SHC3: variants seen among roughly 807,000 people sequenced by gnomAD.
The protein encoded by SHC3 is SHC adaptor protein 3.
SHC3 carries 15 observed loss-of-function variants against 60.4 expected under a neutral mutation model. The observed-to-expected ratio is 0.25, with a 90% CI of 0.17 to 0.38. The LOEUF is 0.38. Among genes scored for constraint, SHC3 ranks in the 10% least tolerant of loss-of-function variants. The probability of loss-of-function intolerance (pLI) is 1.00; values close to 1 mark genes in which losing one functional copy is unlikely to be tolerated. For synonymous variants in SHC3, 294 were observed against 325.9 expected (o/e 0.90, Z 1.05); for missense variants, 677 against 786.1 (o/e 0.86, Z 1.66).
At chr9:89,168,529 G>A (rs1050196786) in intron 1 of SHC3, among the ~76,000 whole-genome samples, 15 of 152,084 alleles carry the variant, frequency 9.9e-5, no homozygotes, top group African/African-American at 3.6e-4. Context: ...ACTCTTTCAG[G>A]CAAGTTTATT....
At chr9:89,126,822 A>T (rs980923763) in intron 1 of SHC3, among the ~76,000 whole-genome samples, 1 of 152,140 alleles carries the variant, frequency 6.6e-6, no homozygotes, top group South Asian at 2.1e-4. Context: ...AGTTTGTGCT[A>T]TGAAAGAGGG....
chr9:89,049,922 A>C (rs563366781), intron 7 of SHC3, among the ~76,000 whole-genome samples: 1 of 152,136 alleles, frequency 6.6e-6, no homozygotes, highest in East Asian at 1.9e-4. Flanking sequence ...GGAGTCACCG[A>C]GTCTACTCTG....
intron 1 of SHC3, among the ~76,000 whole-genome samples, chr9:89,175,476 T>C (rs991548022): frequency 6.6e-6 from 1 of 152,266 alleles, no homozygotes; most frequent in African/African-American, 2.4e-5. Flanking sequence ...TTCACCAGAC[T>C]TCTGTATTTT....
chr9:89,077,095 T>C (rs1260138427), intron 3 of SHC3, among the ~76,000 whole-genome samples: 1 of 151,554 alleles, frequency 6.6e-6, no homozygotes, highest in Non-Finnish European at 1.5e-5. Flanking sequence ...GAGAATCGCT[T>C]GAACCCAGGA....
intron 1 of SHC3, among the ~76,000 whole-genome samples, chr9:89,144,399 G>A (rs759036996): frequency 6.6e-6 from 1 of 152,176 alleles, no homozygotes; most frequent in South Asian, 2.1e-4. Flanking sequence ...CTTGTTAAAC[G>A]CAAGCTGCTA....
intron 9 of SHC3, among the ~76,000 whole-genome samples, chr9:89,044,878 T>C (rs932185324): frequency 6.6e-6 from 1 of 152,194 alleles, no homozygotes; most frequent in South Asian, 2.1e-4. Flanking sequence ...GATGCAGAAG[T>C]GTTCTCTGAG....
At chr9:89,075,281 G>A (rs1328272285) in intron 3 of SHC3, 53 bp from the exon 4 acceptor site, 1 of 1,598,398 alleles carries the variant, frequency 6.3e-7, no homozygotes, top group Non-Finnish European at 8.5e-7. Context: ...CTCAAAGGGT[G>A]GGGATGTGGA....
At chr9:89,060,684 G>C (rs533479182) in intron 6 of SHC3, among the ~76,000 whole-genome samples, 1 of 152,036 alleles carries the variant, frequency 6.6e-6, no homozygotes, top group African/African-American at 2.4e-5. Flanking sequence ...ATTTTATTTG[G>C]AGTGAGCAGA....
chr9:89,074,053 C>G (rs913204306), intron 4 of SHC3, among the ~76,000 whole-genome samples: 1 of 152,186 alleles, frequency 6.6e-6, no homozygotes, highest in Non-Finnish European at 1.5e-5. Context: ...GAAGTGGTAT[C>G]TAGTTATGTT....
chr9:89,034,770 A>G (rs556447680), intron 11 of SHC3, among the ~76,000 whole-genome samples: 14 of 152,344 alleles, frequency 9.2e-5, no homozygotes. Context: ...CTATCAAAAG[A>G]CACCTTAAAA....
chr9:89,142,624 T>C (rs1030194617), intron 1 of SHC3, among the ~76,000 whole-genome samples: 4 of 143,054 alleles, frequency 2.8e-5, no homozygotes, highest in Admixed American at 1.5e-4. Context: ...GAGGTTGCAG[T>C]GAGATCGCAC....
intron 5 of SHC3, among the ~76,000 whole-genome samples, chr9:89,068,847 A>C (rs1485389010): frequency 6.6e-6 from 1 of 152,212 alleles, no homozygotes; most frequent in Non-Finnish European, 1.5e-5. Context: ...TCTTGAAGGA[A>C]GCTGTTAATG....
Position 89,005,973 on chromosome 9 carries a change from A to G in SHC3, c.*7474T>C, listed in dbSNP as rs1425209970. On this transcript the variant is annotated 3_prime_UTR_variant, in exon 12 of 12. Coordinates refer to ENST00000375835, the MANE Select transcript of SHC3 (RefSeq NM_016848.6). ...AGTTTCATGCTTTTAAGTTGTATCT[A>G]CAAGTGCAAAACTGCAACACCCAAA... The G allele has an allele frequency of 6.6e-6, 1 of 152,244 alleles. No individual in the cohort carries two copies. Among genetic ancestry groups the G allele is most frequent in the Non-Finnish European group, 1.5e-5 (1 of 68,046 alleles). 9.4% of individuals were successfully genotyped at this position (152,244 alleles called of 1,614,324 possible).
At chr9:89,161,743 G>A (rs2118243216) in intron 1 of SHC3, among the ~76,000 whole-genome samples, 1 of 150,752 alleles carries the variant, frequency 6.6e-6, no homozygotes, top group Non-Finnish European at 1.5e-5. Flanking sequence ...TCAGGCCAGG[G>A]CAATTAGGCA....
intron 7 of SHC3, among the ~76,000 whole-genome samples, chr9:89,047,882 C>T (rs1020038246): frequency 6.6e-6 from 1 of 152,136 alleles, no homozygotes; most frequent in Non-Finnish European, 1.5e-5. Flanking sequence ...CAGGTATATA[C>T]ATAAGAATAT....
chr9:89,019,456 T>G (rs527995729), intron 11 of SHC3, among the ~76,000 whole-genome samples: 21 of 152,158 alleles, frequency 1.4e-4, no homozygotes, highest in African/African-American at 4.6e-4. Context: ...GATTGGGAAG[T>G]AAAAAATGAA....
intron 1 of SHC3, among the ~76,000 whole-genome samples, chr9:89,129,824 C>T (rs898317752): frequency 6.6e-6 from 1 of 152,142 alleles, no homozygotes; most frequent in Non-Finnish European, 1.5e-5. Context: ...TAAAGACCAT[C>T]AATGATAGGA....
chr9:89,022,027 T>C (rs1011768236), intron 11 of SHC3, among the ~76,000 whole-genome samples: 2 of 152,060 alleles, frequency 1.3e-5, no homozygotes, highest in East Asian at 1.9e-4. Flanking sequence ...CATATTTCCT[T>C]TGTAGCGAAC....
intron 11 of SHC3, among the ~76,000 whole-genome samples, 185 bp downstream of exon 11, chr9:89,037,808 A>ACTGGGTC (rs1362591364): frequency 9.2e-5 from 14 of 152,244 alleles, no homozygotes; most frequent in Non-Finnish European, 1.6e-4. Context: ...GGCCCTGACC[A>ACTGGGTC]CTGGCTCCTG....
Sources: gnomAD v4.1 joint callset for allele counts (sites outside exome capture counted in the v4.1 genomes callset) on GRCh38, gnomAD v4.1.1 for gene constraint, MANE v1.5 for transcripts, NCBI Gene and HGNC (gene_info 2026-07-23, HGNC 2026-07-21) for gene names.